TENM3: variants seen among roughly 807,000 people sequenced by gnomAD.
TENM3 encodes the protein teneurin transmembrane protein 3, also known as teneurin-3.
A neutral mutation model predicts 255.1 loss-of-function variants in TENM3; 63 were observed. That is an observed-to-expected ratio of 0.25 (90% confidence interval 0.20 to 0.30). The LOEUF is 0.30. Among genes scored for constraint, TENM3 ranks in the 10% least tolerant of loss-of-function variants. The pLI is 1.00. For synonymous variants in TENM3, 1,306 were observed against 1,322.3 expected (o/e 0.99, Z 0.27); for missense variants, 2,929 against 3,461.1 (o/e 0.85, Z 3.86).
the TENM3 span, among the ~76,000 whole-genome samples, chr4:181,833,119 G>C: frequency 6.6e-6 from 1 of 152,088 alleles, no homozygotes; most frequent in Admixed American, 6.5e-5. Flanking sequence ...TCTAGAGAAG[G>C]GAAATCTTAT....
chr4:181,970,874 C>T, the TENM3 span, among the ~76,000 whole-genome samples: 2 of 152,284 alleles, frequency 1.3e-5, no homozygotes, highest in South Asian at 4.1e-4. Flanking sequence ...ACATGTCCTA[C>T]AATAAGTGCC....
chr4:182,793,581 G>A lies in TENM3; in HGVS notation c.6909G>A (p.Leu2303=). The A allele has an allele frequency of 1.2e-6, 2 of 1,613,854 alleles. No homozygotes were observed. Among genetic ancestry groups the A allele is most frequent in the South Asian group, 1.1e-5 (1 of 91,070 alleles). ...YIASDNTGTP[L]AVFSSNGLML... The stretch of plus-strand genomic sequence containing the variant: ...CATCGGATAACACAGGGACACCACT[G>A]GCTGTGTTCAGTAGCAATGGGCTTA... Residue 2303 remains leucine, a synonymous_variant, in exon 26 of 28, where the codon CTG becomes CTA. Coordinates refer to ENST00000511685, the MANE Select transcript of TENM3 (RefSeq NM_001080477.4). This position sits in a 1 kb window ranked among gnomAD's most constrained non-coding sequence, Gnocchi z 5.7.
At chr4:182,581,221 T>C (rs1015691030) in intron 3 of TENM3, among the ~76,000 whole-genome samples, 1 of 152,240 alleles carries the variant, frequency 6.6e-6, no homozygotes, top group African/African-American at 2.4e-5. Flanking sequence ...TGTTTGACTT[T>C]ATTTTGATGA....
At chr4:181,694,257 C>T in the TENM3 span, among the ~76,000 whole-genome samples, 3 of 152,138 alleles carry the variant, frequency 2.0e-5, no homozygotes, top group Admixed American at 6.6e-5. Context: ...GATTTGGCTC[C>T]AGGTCTGCTG....
chr4:182,084,183 G>C, the TENM3 span, among the ~76,000 whole-genome samples: 13 of 151,620 alleles, frequency 8.6e-5, no homozygotes, highest in African/African-American at 2.9e-4. Context: ...CTCGTTTCTA[G>C]CTGCTTGCTG....
At chr4:182,305,685 C>T (rs192713493) in intron 1 of TENM3, among the ~76,000 whole-genome samples, 2 of 152,320 alleles carry the variant, frequency 1.3e-5, no homozygotes, top group South Asian at 2.1e-4. Flanking sequence ...CGGCTCTTTG[C>T]GGCCTTCCTG....
the TENM3 span, among the ~76,000 whole-genome samples, chr4:181,567,584 A>C: frequency 1.3e-5 from 2 of 152,336 alleles, 1 homozygote; most frequent in East Asian, 3.9e-4. Context: ...TTCTGACCTT[A>C]GGGCTAAATA....
At chr4:182,309,513 C>T (rs542984315) in intron 1 of TENM3, among the ~76,000 whole-genome samples, 1 of 152,284 alleles carries the variant, frequency 6.6e-6, no homozygotes, top group East Asian at 1.9e-4. Context: ...TTTCATTCCT[C>T]CTCTTGAAAG....
In TENM3 at chr4:182,442,786, A is replaced by G. The variant is rs143385568; in HGVS notation, c.511+95857A>G. 8.9e-4 allele frequency among the ~76,000 whole-genome samples: 132 copies of G among 148,302 alleles called. 1 individual carries two copies. The highest frequency in any genetic ancestry group is 2.8e-3 in the African/African-American group (114 of 40,280). ...TGTGTGTGTGTGTGTGTGTGTACAT[A>G]TGTGTGTGTGTGTGTGTGTATATAC... On this transcript the variant is annotated intron_variant, in intron 3 of 27. Coordinates refer to ENST00000511685, the MANE Select transcript of TENM3 (RefSeq NM_001080477.4).
the TENM3 span, among the ~76,000 whole-genome samples, chr4:181,933,823 T>C: frequency 1.3e-5 from 2 of 152,232 alleles, no homozygotes; most frequent in African/African-American, 2.4e-5. Context: ...ACAAGAAATA[T>C]TGTAGAATTG....
chr4:182,004,987 G>T, the TENM3 span, among the ~76,000 whole-genome samples: 3 of 152,178 alleles, frequency 2.0e-5, no homozygotes, highest in Non-Finnish European at 4.4e-5. Context: ...CAGACGGGTA[G>T]ATTGCAAAAA....
intron 3 of TENM3, among the ~76,000 whole-genome samples, chr4:182,590,036 G>T (rs1185655906): frequency 1.3e-5 from 2 of 152,146 alleles, no homozygotes; most frequent in East Asian, 3.9e-4. Flanking sequence ...TCAGGCAGAA[G>T]CATTGCTGAC....
chr4:181,730,973 T>A, the TENM3 span, among the ~76,000 whole-genome samples: 2 of 152,312 alleles, frequency 1.3e-5, no homozygotes, highest in East Asian at 3.9e-4. Flanking sequence ...AATGTAAAGA[T>A]TATAAGAATC....
the TENM3 span, among the ~76,000 whole-genome samples, chr4:181,568,582 C>A: frequency 8.3e-4 from 127 of 152,288 alleles, no homozygotes; most frequent in African/African-American, 2.7e-3. Context: ...CACCCCAACC[C>A]CAAGCAAACT....
At chr4:181,756,788 G>C in the TENM3 span, among the ~76,000 whole-genome samples, 1 of 152,184 alleles carries the variant, frequency 6.6e-6, no homozygotes, top group East Asian at 1.9e-4. Flanking sequence ...CTCCTGTCTA[G>C]GGCATTCCAC....
the TENM3 span, among the ~76,000 whole-genome samples, chr4:181,577,162 T>A: frequency 3.7e-5 from 5 of 133,986 alleles, no homozygotes; most frequent in Non-Finnish European, 7.7e-5. Context: ...TATATATAAA[T>A]AATATATATT....
chr4:182,059,234 T>C, the TENM3 span, among the ~76,000 whole-genome samples: 1,738 of 152,230 alleles, frequency 0.011, 32 homozygotes, highest in African/African-American at 0.039. Flanking sequence ...TCCTTGATTT[T>C]CAAGAACAAG....
At chr4:181,784,939 G>A in the TENM3 span, among the ~76,000 whole-genome samples, 1 of 152,120 alleles carries the variant, frequency 6.6e-6, no homozygotes, top group Admixed American at 6.6e-5. Context: ...AACGTAAAAT[G>A]TGGCTGGAGA....
At chr4:181,482,927 T>A in the TENM3 span, among the ~76,000 whole-genome samples, 1 of 152,034 alleles carries the variant, frequency 6.6e-6, no homozygotes, top group Non-Finnish European at 1.5e-5. Flanking sequence ...ATACCTAGAG[T>A]GAGATATGAA....
Sources: gnomAD v4.1 joint callset for allele counts (sites outside exome capture counted in the v4.1 genomes callset) on GRCh38, gnomAD v4.1.1 for gene constraint, Gnocchi (gnomAD v3.1) non-coding constraint, MANE v1.5 for transcripts, NCBI Gene and HGNC (gene_info 2026-07-23, HGNC 2026-07-21) for gene names.